VEPH1: variants seen among roughly 807,000 people sequenced by gnomAD.
VEPH1 encodes the protein ventricular zone expressed PH domain containing 1.
In VEPH1, 80 loss-of-function variants were observed where a neutral mutation model predicts 85.2. The ratio of observed to expected loss-of-function variants is 0.94; its 90% CI spans 0.78 to 1.13. VEPH1 has a LOEUF of 1.13. Among genes scored for constraint, VEPH1 ranks in the 50% most tolerant of loss-of-function variants. The probability of loss-of-function intolerance (pLI) is 0.00; values close to 1 mark genes in which losing one functional copy is unlikely to be tolerated. For missense variants in VEPH1, 955 were observed against 980.5 expected (o/e 0.97, Z 0.35); for synonymous variants, 297 against 348.0 (o/e 0.85, Z 1.63).
intron 11 of VEPH1, among the ~76,000 whole-genome samples, chr3:157,292,706 G>A (rs1375228458): frequency 5.5e-5 from 8 of 146,218 alleles, no homozygotes; most frequent in East Asian, 2.0e-4. Flanking sequence ...AAAAGAGGCC[G>A]GGTGCAGTGG....
chr3:157,489,273 T>C (rs1577798281), intron 2 of VEPH1: 1 of 446,028 alleles, frequency 2.2e-6, no homozygotes, highest in East Asian at 7.0e-5. Flanking sequence ...TAACCTCATC[T>C]CCCTTTCCAC....
chr3:157,340,269 C>T (rs961506698), intron 9 of VEPH1, among the ~76,000 whole-genome samples: 3 of 152,164 alleles, frequency 2.0e-5, no homozygotes, highest in African/African-American at 7.2e-5. Flanking sequence ...ATTCCCTTTC[C>T]TAGGCAAGGG....
At chr3:157,448,609 G>T (rs1308223596) in intron 4 of VEPH1, among the ~76,000 whole-genome samples, 1 of 152,090 alleles carries the variant, frequency 6.6e-6, no homozygotes, top group Non-Finnish European at 1.5e-5. Flanking sequence ...ACTAAGCATT[G>T]GTTGTGCTTT....
At position 157,428,411 on chromosome 3, in the gene VEPH1, G is replaced by T. The variant is rs1447068300; in HGVS notation, c.607C>A (p.Leu203Ile). ...PQPINRHLTE[L>I]LALMSQLEQP... ...TCCAGCTGAGACATCAAGGCCAGGAGTTCTGTCAGGTGTCTATTAATTGGC... is the reference window on the plus strand; with the variant it reads ...TCCAGCTGAGACATCAAGGCCAGGATTTCTGTCAGGTGTCTATTAATTGGC... The change falls in exon 5 of 14, where the codon CTC (leucine) becomes ATC (isoleucine). Residue 203 changes from leucine to isoleucine, a missense_variant. Leu to Ile is a conservative substitution (Grantham distance 5). Transcript: ENST00000362010. 5.0e-6 allele frequency: 8 copies of T among 1,614,004 alleles called. 1 individual carries two copies. Among genetic ancestry groups the T allele is most frequent in the South Asian group, 2.2e-5 (2 of 91,082 alleles).
intron 6 of VEPH1, among the ~76,000 whole-genome samples, chr3:157,402,963 T>C (rs1730883530): frequency 6.6e-6 from 1 of 152,178 alleles, no homozygotes; most frequent in African/African-American, 2.4e-5. Flanking sequence ...TTCAGCTCTG[T>C]TCATGTAAAC....
chr3:157,284,122 T>C (rs1299202718), intron 12 of VEPH1, among the ~76,000 whole-genome samples: 1 of 152,234 alleles, frequency 6.6e-6, no homozygotes, highest in South Asian at 2.1e-4. Context: ...TAGTGATGAA[T>C]TTGATATCGT....
Position 157,444,169 on chromosome 3 carries a change from A to G in VEPH1, c.530-15681T>C, listed in dbSNP as rs73873689. Among the ~76,000 whole-genome samples the G allele has an allele frequency of 3.6e-3, 547 of 152,298 alleles. 3 individuals are homozygous for G. The highest frequency in any genetic ancestry group is 0.013 in the African/African-American group (522 of 41,562). On this transcript the variant is annotated intron_variant, in intron 4 of 13. Coordinates refer to ENST00000362010, the MANE Select transcript of VEPH1 (RefSeq NM_001167912.2). ...ATGTGAGGGCTGATAGAAGGGCCTCACAAAGCTGATTCTGAAATGTTGTGG... is the reference window on the plus strand; with the variant it reads ...ATGTGAGGGCTGATAGAAGGGCCTCGCAAAGCTGATTCTGAAATGTTGTGG...
chr3:157,428,634 C>A lies in VEPH1; in HGVS notation c.530-146G>T. The A allele has an allele frequency of 8.5e-6, 6 of 701,778 alleles. No individual in the cohort carries two copies. In the South Asian group the frequency reaches 1.0e-4, roughly 12 times the overall value. The allele number at this position is 701,778 out of a possible 1,614,324, so 43.5% of individuals were successfully genotyped here. Reference sequence around the variant, plus strand: ...TTCTTTTGCTAAAAATAACATGGTACCTTATTCTGAGATTAAAATGTGATT... The same window carrying A: ...TTCTTTTGCTAAAAATAACATGGTAACTTATTCTGAGATTAAAATGTGATT... On this transcript the variant is annotated intron_variant, in intron 4 of 13. Transcript: ENST00000362010.
chr3:157,446,670 T>A (rs1301783601), intron 4 of VEPH1, among the ~76,000 whole-genome samples: 1 of 152,238 alleles, frequency 6.6e-6, no homozygotes, highest in African/African-American at 2.4e-5. Flanking sequence ...GCATTGTCTT[T>A]CAGCCACTTA....
chr3:157,432,337 T>C (rs560787607), intron 4 of VEPH1, among the ~76,000 whole-genome samples: 12 of 152,190 alleles, frequency 7.9e-5, no homozygotes, highest in South Asian at 6.2e-4. Flanking sequence ...ACTGTTTTCA[T>C]TTTTTTACTT....
chr3:157,378,583 T>C (rs905751538), intron 7 of VEPH1, among the ~76,000 whole-genome samples: 1 of 152,048 alleles, frequency 6.6e-6, no homozygotes, highest in African/African-American at 2.4e-5. Flanking sequence ...ACCCTTGTAA[T>C]AGGCATCTGT....
intron 1 of VEPH1, among the ~76,000 whole-genome samples, chr3:157,496,532 C>T (rs571863763): frequency 2.6e-5 from 4 of 152,306 alleles, no homozygotes; most frequent in Admixed American, 6.5e-5. Flanking sequence ...ACAAATGTAG[C>T]CACATGCTTA....
At chr3:157,488,945 T>TCTCC (rs55689942) in intron 2 of VEPH1, 1 of 252,532 alleles carries the variant, frequency 4.0e-6, no homozygotes, top group Admixed American at 4.4e-5. Context: ...TCTCTCTCTC[T>TCTCC]TTCTCTCTCC....
chr3:157,421,500 T>C (rs534780075), intron 5 of VEPH1, among the ~76,000 whole-genome samples: 4 of 152,350 alleles, frequency 2.6e-5, no homozygotes, highest in African/African-American at 9.6e-5. Context: ...CTATTTCACC[T>C]GAAATGAATT....
intron 5 of VEPH1, among the ~76,000 whole-genome samples, chr3:157,417,959 C>A (rs193274334): frequency 1.5e-3 from 232 of 152,228 alleles, no homozygotes; most frequent in Non-Finnish European, 4.9e-4. Context: ...TCTATTTCTA[C>A]CCCTGGCTTT....
intron 6 of VEPH1, among the ~76,000 whole-genome samples, chr3:157,396,392 A>C (rs527706182): frequency 6.6e-6 from 1 of 152,222 alleles, no homozygotes; most frequent in Non-Finnish European, 1.5e-5. Context: ...ATAGTGCTGC[A>C]GTGAACATCC....
intron 12 of VEPH1, among the ~76,000 whole-genome samples, chr3:157,275,652 T>A (rs1378371064): frequency 6.6e-6 from 1 of 152,144 alleles, no homozygotes; most frequent in Non-Finnish European, 1.5e-5. Context: ...TATGTAGATA[T>A]TGATTAGATA....
At position 157,493,333 on chromosome 3, in the gene VEPH1, C is replaced by T. The variant is rs1240130696; in HGVS notation, c.138+1879G>A. On this transcript the variant is annotated intron_variant, in intron 2 of 13. Coordinates refer to ENST00000362010, the MANE Select transcript of VEPH1 (RefSeq NM_001167912.2). ...AGAAGTGGAATTGATTACTGAGATC[C>T]AAGGTCATTAGGAGAGGCCTAGAGA... 3 of 455,156 alleles carry T rather than the reference C, an allele frequency of 6.6e-6. No homozygotes were observed. The East Asian group carries it at 2.1e-4, about 32-fold the overall frequency. 28.2% of individuals were successfully genotyped at this position (455,156 alleles called of 1,614,324 possible). A position where few individuals can be genotyped will look rare whatever the true frequency, so the allele number is the denominator to read the frequency against.
chr3:157,342,613 A>G (rs1723718424), intron 9 of VEPH1, among the ~76,000 whole-genome samples: 1 of 152,256 alleles, frequency 6.6e-6, no homozygotes, highest in Admixed American at 6.5e-5. Flanking sequence ...CATTAGACAG[A>G]TAAACGAGAC....
Sources: gnomAD v4.1 joint callset for allele counts (sites outside exome capture counted in the v4.1 genomes callset) on GRCh38, gnomAD v4.1.1 for gene constraint, MANE v1.5 for transcripts, NCBI Gene and HGNC (gene_info 2026-07-23, HGNC 2026-07-21) for gene names.